The following CUX1 variants were observed in gnomAD, a reference collection of about 807,000 sequenced individuals.
CUX1 encodes the protein protein CASP.
A neutral mutation model predicts 158.8 loss-of-function variants in CUX1; 31 were observed. That is an observed-to-expected ratio of 0.20 (90% CI 0.15 to 0.26). The LOEUF (loss-of-function observed/expected upper bound fraction) is 0.26. Among genes scored for constraint, CUX1 ranks in the 10% least tolerant of loss-of-function variants. The probability of loss-of-function intolerance (pLI) is 1.00; values close to 1 mark genes in which losing one functional copy is unlikely to be tolerated. For missense variants in CUX1, 1,589 were observed against 2,014.6 expected (o/e 0.79, Z 4.04); for synonymous variants, 879 against 862.1 (o/e 1.02, Z -0.34).
chr7:102,178,626 A>G lies in CUX1; in HGVS notation c.986A>G (p.Gln329Arg). The G allele has an allele frequency of 6.2e-7, 1 of 1,610,844 alleles. No individual in the cohort carries two copies. The highest frequency in any genetic ancestry group is 8.5e-7 in the Non-Finnish European group (1 of 1,178,438). ...NSASQISQLE[Q>R]QLSAKNSTLK... ...GCCAGCCAGATCTCACAGCTTGAGC[A>G]GCAGCTGAGCGCCAAAAACAGCACA... Residue 329 changes from glutamine to arginine, a missense_variant, in exon 11 of 24, where the codon CAG (glutamine) becomes CGG (arginine). Coordinates refer to ENST00000292535, the MANE Select transcript of CUX1 (RefSeq NM_181552.4).
chr7:102,105,238 TACAC>T (rs1192538164), intron 6 of CUX1, among the ~76,000 whole-genome samples: 1 of 151,394 alleles, frequency 6.6e-6, no homozygotes, highest in African/African-American at 2.4e-5. Context: ...TATTTAATAT[TACAC>T]ACACGCGCAC....
intron 1 of CUX1, among the ~76,000 whole-genome samples, chr7:101,877,561 C>T (rs1244270248): frequency 1.3e-5 from 2 of 152,104 alleles, no homozygotes; most frequent in Non-Finnish European, 2.9e-5. Context: ...GTGGCGGGCA[C>T]GTGTAATCCC....
At chr7:101,868,877 C>T (rs896283773) in intron 1 of CUX1, among the ~76,000 whole-genome samples, 104 of 152,170 alleles carry the variant, frequency 6.8e-4, no homozygotes, top group African/African-American at 2.4e-3. Context: ...AGCAAGAGGG[C>T]CTTGCGCACT....
chr7:101,936,890 A>C (rs958744928), intron 2 of CUX1, among the ~76,000 whole-genome samples: 1 of 152,158 alleles, frequency 6.6e-6, no homozygotes, highest in Non-Finnish European at 1.5e-5. Flanking sequence ...GCGTTTTCCT[A>C]ACATGGCTAA....
chr7:101,897,758 T>G (rs951457438), intron 1 of CUX1, among the ~76,000 whole-genome samples: 15 of 152,304 alleles, frequency 9.8e-5, no homozygotes, highest in African/African-American at 3.1e-4. Context: ...TTGGGATGGA[T>G]GACTGAATAA....
At chr7:101,826,617 G>A (rs1168300548) in intron 1 of CUX1, among the ~76,000 whole-genome samples, 1 of 152,206 alleles carries the variant, frequency 6.6e-6, no homozygotes, top group Non-Finnish European at 1.5e-5. Flanking sequence ...CTGGCAGGAC[G>A]AGGCTGGGAT....
At chr7:102,110,961 C>T (rs1830823533) in intron 6 of CUX1, among the ~76,000 whole-genome samples, 1 of 152,098 alleles carries the variant, frequency 6.6e-6, no homozygotes, top group Non-Finnish European at 1.5e-5. Flanking sequence ...AAAATATTAA[C>T]AGTGCTTTTC....
At chr7:102,041,465 G>C (rs1822085592) in intron 3 of CUX1, among the ~76,000 whole-genome samples, 1 of 150,960 alleles carries the variant, frequency 6.6e-6, no homozygotes. Flanking sequence ...TGTTGTTCAG[G>C]CTGGTCTTGA....
intron 4 of CUX1, among the ~76,000 whole-genome samples, chr7:102,091,352 A>G (rs910288195): frequency 1.3e-5 from 2 of 151,558 alleles, no homozygotes; most frequent in Non-Finnish European, 2.9e-5. Flanking sequence ...TGTTTTGAGG[A>G]CAGGGTCTCG....
intron 1 of CUX1, among the ~76,000 whole-genome samples, chr7:101,911,401 G>A (rs1327136971): frequency 6.6e-6 from 1 of 152,174 alleles, no homozygotes; most frequent in Non-Finnish European, 1.5e-5. Flanking sequence ...CCTTGGCCCT[G>A]CCGTGGATGA....
At chr7:102,067,420 T>C (rs1020979346) in intron 3 of CUX1, among the ~76,000 whole-genome samples, 2 of 151,798 alleles carry the variant, frequency 1.3e-5, no homozygotes, top group Non-Finnish European at 2.9e-5. Context: ...ATATTTTTAG[T>C]AGAGATGGGG....
At chr7:102,098,027 G>A (rs951610165) in intron 5 of CUX1, among the ~76,000 whole-genome samples, 2 of 152,222 alleles carry the variant, frequency 1.3e-5, no homozygotes, top group Non-Finnish European at 2.9e-5. Context: ...CCGTCAACAA[G>A]ACAGAGAGGG....
intron 2 of CUX1, among the ~76,000 whole-genome samples, chr7:101,965,722 G>A (rs1025142697): frequency 3.3e-5 from 5 of 151,430 alleles, no homozygotes; most frequent in East Asian, 2.0e-4. Flanking sequence ...GGTGGCAGGC[G>A]CCTGTAGTCC....
intron 22 of CUX1, among the ~76,000 whole-genome samples, chr7:102,235,843 C>T (rs1169039873): frequency 1.3e-5 from 2 of 150,858 alleles, no homozygotes; most frequent in African/African-American, 4.9e-5. Flanking sequence ...GAACCCAGGC[C>T]TGTCAGTTCT....
downstream of CUX1, among the ~76,000 whole-genome samples, chr7:102,262,767 CT>C (rs1554544177): frequency 6.6e-6 from 1 of 152,220 alleles, no homozygotes; most frequent in African/African-American, 2.4e-5. Flanking sequence ...CCCGGTGCAA[CT>C]TTCCAACTGA....
At chr7:101,950,827 A>G (rs1808976607) in intron 2 of CUX1, among the ~76,000 whole-genome samples, 1 of 152,198 alleles carries the variant, frequency 6.6e-6, no homozygotes, top group African/African-American at 2.4e-5. Flanking sequence ...CTGGGATTAC[A>G]GGCGTGAGCC....
chr7:102,069,963 T>TG (rs1268486987), intron 3 of CUX1, among the ~76,000 whole-genome samples: 1 of 152,182 alleles, frequency 6.6e-6, no homozygotes, highest in Non-Finnish European at 1.5e-5. Context: ...CCTGAGCTTC[T>TG]GGGGGTAGGA....
At position 102,248,170 on chromosome 7, in the gene CUX1, T is replaced by C. The variant is rs1563485217; in HGVS notation, c.3888-242T>C. 6.6e-6 allele frequency among the ~76,000 whole-genome samples: 1 copy of C among 152,106 alleles called. No individual in the cohort carries two copies. Among genetic ancestry groups the C allele is most frequent in the South Asian group, 2.1e-4 (1 of 4,834 alleles). The stretch of plus-strand genomic sequence containing the variant: ...AAAATAAGTGCCCGCGGCAATTTGT[T>C]GCAGTGGAGAATAGGGGAGTGGTGT... On this transcript the variant is annotated intron_variant, in intron 23 of 23. Transcript: ENST00000292535. The surrounding 1 kb of genome is among the most constrained non-coding windows in gnomAD (Gnocchi z 5.8).
chr7:101,963,052 G>C (rs1810708584), intron 2 of CUX1, among the ~76,000 whole-genome samples: 1 of 152,164 alleles, frequency 6.6e-6, no homozygotes, highest in Admixed American at 6.5e-5. Flanking sequence ...TTACTTTCAA[G>C]TTGTAAAGTA....
Sources: gnomAD v4.1 joint callset for allele counts (sites outside exome capture counted in the v4.1 genomes callset) on GRCh38, gnomAD v4.1.1 for gene constraint, Gnocchi (gnomAD v3.1) non-coding constraint, MANE v1.5 for transcripts, NCBI Gene and HGNC (gene_info 2026-07-23, HGNC 2026-07-21) for gene names.